Variants in MVB12A observed in about 807,000 individuals in gnomAD.
MVB12A encodes CIN85/CD2AP family binding protein.
MVB12A carries 30 observed loss-of-function variants against 34.3 expected under a neutral mutation model. That is an observed-to-expected ratio of 0.88 (90% CI 0.65 to 1.19). The LOEUF (loss-of-function observed/expected upper bound fraction) is 1.19, where lower values mean the gene tolerates loss of function less well. MVB12A is among the 50% of genes most tolerant of loss of function. The pLI, the probability that MVB12A is intolerant of heterozygous loss-of-function variation, is 0.00. For missense variants in MVB12A, 355 were observed against 369.2 expected (o/e 0.96, Z 0.31); for synonymous variants, 158 against 158.9 (o/e 0.99, Z 0.04).
chr19:17,418,645 C>G (rs2074816903), upstream of MVB12A, among the ~76,000 whole-genome samples: 1 of 151,810 alleles, frequency 6.6e-6, no homozygotes, highest in Admixed American at 6.6e-5. Flanking sequence ...CCGCCTCGGC[C>G]TCCCAAAGTG....
At chr19:17,411,368 T>C (rs1302130875) in intron 2 of MVB12A, among the ~76,000 whole-genome samples, 2 of 152,088 alleles carry the variant, frequency 1.3e-5, no homozygotes, top group Non-Finnish European at 2.9e-5. Context: ...TTTATTTATT[T>C]ATTAAAGACA....
intron 2 of MVB12A, among the ~76,000 whole-genome samples, chr19:17,412,884 T>C (rs925279020): frequency 2.0e-4 from 30 of 152,198 alleles, no homozygotes; most frequent in African/African-American, 6.8e-4. Context: ...AAAGTAAGCT[T>C]GTAATCAGTG....
upstream of MVB12A, chr19:17,419,440 C>G (rs1293828778): frequency 6.6e-6 from 1 of 152,154 alleles, no homozygotes; most frequent in African/African-American, 2.4e-5. Context: ...GCTTTTTAAA[C>G]GTATTGTGCC....
chr19:17,408,381 A>G (rs2074742114), intron 2 of MVB12A, among the ~76,000 whole-genome samples: 1 of 150,052 alleles, frequency 6.7e-6, no homozygotes, highest in Non-Finnish European at 1.5e-5. Context: ...TCCCTATTTA[A>G]AAATAAATAT....
At chr19:17,410,603 T>TACACGTATATATATAC (rs1568387516) in intron 2 of MVB12A, among the ~76,000 whole-genome samples, 2,217 of 138,756 alleles carry the variant, frequency 0.016, 82 homozygotes, top group African/African-American at 0.055. Flanking sequence ...CATATATATA[T>TACACGTATATATATAC]ACACATATAT....
intron 4 of MVB12A, chr19:17,422,753 A>T (rs1182829515): frequency 5.7e-6 from 1 of 176,834 alleles, no homozygotes; most frequent in Non-Finnish European, 1.2e-5. Flanking sequence ...GATCGAGACC[A>T]TCCTGACTAA....
chr19:17,410,531 C>CATATATAT (rs1568387403), intron 2 of MVB12A, among the ~76,000 whole-genome samples: 1 of 49,724 alleles, frequency 2.0e-5, no homozygotes, highest in Non-Finnish European at 3.8e-5. Context: ...TATATATATA[C>CATATATAT]ACACACACAT....
chr19:17,408,782 T>G (rs1216805710), intron 2 of MVB12A, among the ~76,000 whole-genome samples: 1 of 150,284 alleles, frequency 6.7e-6, no homozygotes, highest in African/African-American at 2.4e-5. Context: ...ATATAATGTA[T>G]TTTTATATAT....
Position 17,422,344 on chromosome 19 carries a change from C to G in MVB12A, c.299C>G (p.Ser100Cys). 6.2e-7 allele frequency: 1 copy of G among 1,612,440 alleles called. No individual in the cohort carries two copies. The highest frequency in any genetic ancestry group is 8.5e-7 in the Non-Finnish European group (1 of 1,179,074). ...CDPMDSKASV[S>C]KKKRMCVKLL... ...CCCCCACTCCCAGAGGCCTCTGTGT[C>G]CAAGAAGAAACGCATGTGTGTGAAG... The change falls in exon 4 of 9, where the codon TCC becomes TGC. Residue 100 changes from serine to cysteine, a missense_variant. Physicochemically the swap from Ser to Cys is moderately radical, Grantham distance 112. Coordinates refer to ENST00000317040, the MANE Select transcript of MVB12A (RefSeq NM_138401.4).
chr19:17,411,587 G>A (rs2074769724), intron 2 of MVB12A, among the ~76,000 whole-genome samples: 1 of 151,832 alleles, frequency 6.6e-6, no homozygotes, highest in Non-Finnish European at 1.5e-5. Flanking sequence ...CAAACTCCTG[G>A]GCTCAAGCGA....
intron 2 of MVB12A, among the ~76,000 whole-genome samples, chr19:17,411,381 C>T (rs925578476): frequency 6.6e-6 from 1 of 151,416 alleles, no homozygotes; most frequent in Non-Finnish European, 1.5e-5. Context: ...TAAAGACAGG[C>T]TCTTGTTCTG....
chr19:17,424,375 A>G (rs966092819), intron 7 of MVB12A, among the ~76,000 whole-genome samples: 3 of 152,170 alleles, frequency 2.0e-5, no homozygotes, highest in African/African-American at 7.2e-5. Flanking sequence ...TGAGGCCAGG[A>G]GATCGAGACC....
chr19:17,411,737 C>T (rs1300690478), intron 2 of MVB12A, among the ~76,000 whole-genome samples: 2 of 152,032 alleles, frequency 1.3e-5, no homozygotes, highest in Admixed American at 1.3e-4. Flanking sequence ...CTCATGTCAT[C>T]CTCCTTCCTC....
chr19:17,423,945 T>G, intron 6 of MVB12A, 61 bp from the exon 7 acceptor site: 1 of 1,595,704 alleles, frequency 6.3e-7, no homozygotes, highest in Non-Finnish European at 8.6e-7. Context: ...GGGTTGGGCC[T>G]CTGTGGGTGG....
chr19:17,422,155 A>C, intron 3 of MVB12A, 177 bp from the exon 4 acceptor site: 54 of 465,908 alleles, frequency 1.2e-4, no homozygotes, highest in Middle Eastern at 5.9e-4. Flanking sequence ...GGCTGCATGG[A>C]ATCCCCTCCT....
chr19:17,413,947 G>T (rs1424874021), intron 2 of MVB12A, among the ~76,000 whole-genome samples: 4 of 152,218 alleles, frequency 2.6e-5, no homozygotes, highest in East Asian at 1.9e-4. Flanking sequence ...TGGGTCCAAG[G>T]GGATGCCTAT....
chr19:17,417,300 A>G (rs944823639), upstream of MVB12A: 55 of 201,600 alleles, frequency 2.7e-4, no homozygotes, highest in Admixed American at 2.3e-3. Flanking sequence ...AATTCTGAAC[A>G]GAACATGAAG....
intron 4 of MVB12A, 62 bp from the exon 5 acceptor site, chr19:17,423,436 G>T: frequency 6.4e-7 from 1 of 1,572,338 alleles, no homozygotes. Context: ...TTCTCCAGGG[G>T]CTATCCTCAA....
At chr19:17,416,054 T>C (rs144688376), upstream of MVB12A, among the ~76,000 whole-genome samples, 1,603 of 152,316 alleles carry the variant, frequency 0.011, 27 homozygotes, top group African/African-American at 0.036. Context: ...ATTTAGGCTA[T>C]GGTTTAAATA....
Sources: allele counts gnomAD v4.1 joint callset (sites outside exome capture counted in the v4.1 genomes callset), GRCh38; gene constraint gnomAD v4.1.1; transcripts MANE v1.5; gene names NCBI Gene and HGNC (gene_info 2026-07-23, HGNC 2026-07-21).